Variants in DLG2 observed in about 807,000 individuals in gnomAD.
DLG2 encodes the protein disks large homolog 2.
A neutral mutation model predicts 132.5 loss-of-function variants in DLG2; 45 were observed. That is an observed-to-expected ratio of 0.34 (90% CI 0.27 to 0.44). DLG2 has a LOEUF of 0.44. Among genes scored for constraint, DLG2 ranks in the 20% least tolerant of loss-of-function variants. DLG2 has a pLI of 1.00. For missense variants in DLG2, 1,045 were observed against 1,196.9 expected (o/e 0.87, Z 1.87); for synonymous variants, 424 against 419.6 (o/e 1.01, Z -0.13).
At chr11:85,617,462 G>A (rs964269582) in intron 2 of DLG2, among the ~76,000 whole-genome samples, 6 of 152,116 alleles carry the variant, frequency 3.9e-5, no homozygotes, top group Non-Finnish European at 8.8e-5. Flanking sequence ...CATTGAAATT[G>A]CCTGTTTTTG....
intron 6 of DLG2, among the ~76,000 whole-genome samples, chr11:84,693,809 T>C (rs762981393): frequency 2.6e-5 from 4 of 151,686 alleles, no homozygotes; most frequent in Non-Finnish European, 5.9e-5. Context: ...GCTTTTAATA[T>C]ACAGTCCCTT....
chr11:84,626,279 G>C (rs1214829688), intron 6 of DLG2, among the ~76,000 whole-genome samples: 5 of 152,124 alleles, frequency 3.3e-5, no homozygotes, highest in African/African-American at 1.2e-4. Flanking sequence ...CCTTATCTCT[G>C]GTACCCCTGG....
At chr11:84,706,707 G>A (rs568895163) in intron 6 of DLG2, among the ~76,000 whole-genome samples, 113 of 141,614 alleles carry the variant, frequency 8.0e-4, no homozygotes, top group South Asian at 1.6e-3. Flanking sequence ...GAGGAAAGAA[G>A]AAAGGAAGAA....
chr11:83,573,235 G>A (rs147351221), intron 19 of DLG2, among the ~76,000 whole-genome samples: 85 of 152,186 alleles, frequency 5.6e-4, no homozygotes, highest in East Asian at 1.3e-3. Flanking sequence ...AAATGATTAC[G>A]AAAGAGCAAT....
chr11:85,174,369 C>CA (rs2079077682), intron 4 of DLG2, among the ~76,000 whole-genome samples: 1 of 152,162 alleles, frequency 6.6e-6, no homozygotes, highest in Non-Finnish European at 1.5e-5. Context: ...TCCTGAATGA[C>CA]ACTTTGGTCA....
At chr11:84,707,812 C>T (rs1382193200) in intron 6 of DLG2, among the ~76,000 whole-genome samples, 1 of 151,766 alleles carries the variant, frequency 6.6e-6, no homozygotes, top group African/African-American at 2.4e-5. Flanking sequence ...TTTGATCATA[C>T]AAATATATAA....
At chr11:84,849,174 G>A (rs951574823) in intron 6 of DLG2, among the ~76,000 whole-genome samples, 14 of 152,122 alleles carry the variant, frequency 9.2e-5, no homozygotes, top group Middle Eastern at 3.2e-3. Flanking sequence ...GTCAAACAGC[G>A]TAAGAGACTC....
intron 17 of DLG2, among the ~76,000 whole-genome samples, chr11:83,804,067 A>G (rs1336599781): frequency 1.3e-5 from 2 of 152,144 alleles, no homozygotes; most frequent in Non-Finnish European, 2.9e-5. Context: ...AAAATAAGGT[A>G]ATCATCTCAT....
intron 7 of DLG2, among the ~76,000 whole-genome samples, chr11:84,522,534 T>A (rs527502424): frequency 6.6e-6 from 1 of 152,332 alleles, no homozygotes; most frequent in South Asian, 2.1e-4. Context: ...GAACAAATCA[T>A]CTGCCTTCAG....
chr11:84,088,233 T>G (rs2097024596), intron 10 of DLG2, among the ~76,000 whole-genome samples: 1 of 152,236 alleles, frequency 6.6e-6, no homozygotes, highest in Non-Finnish European at 1.5e-5. Flanking sequence ...CTCCTACATT[T>G]TCTTCTAAGA....
chr11:85,098,348 G>A (rs563961971), intron 6 of DLG2, among the ~76,000 whole-genome samples: 13 of 152,256 alleles, frequency 8.5e-5, no homozygotes, highest in East Asian at 1.9e-4. Flanking sequence ...CAGATTCTGC[G>A]CACTGTCCAA....
At chr11:84,176,676 A>G (rs1407905811) in intron 8 of DLG2, among the ~76,000 whole-genome samples, 1 of 152,032 alleles carries the variant, frequency 6.6e-6, no homozygotes, top group African/African-American at 2.4e-5. Context: ...AGTCGGATTA[A>G]GGCGTTCTGG....
intron 6 of DLG2, among the ~76,000 whole-genome samples, chr11:84,860,030 G>T (rs1307486939): frequency 1.3e-5 from 2 of 152,104 alleles, no homozygotes; most frequent in African/African-American, 2.4e-5. Flanking sequence ...CAGGCTGGTA[G>T]CCCTTCAGCA....
intron 3 of DLG2, chr11:85,335,958 T>C (rs973331205): frequency 6.6e-6 from 1 of 152,194 alleles, no homozygotes; most frequent in Non-Finnish European, 1.5e-5. Flanking sequence ...AAAAAATTCT[T>C]GGTTGAAATA....
intron 6 of DLG2, among the ~76,000 whole-genome samples, chr11:84,905,443 T>C (rs1192020925): frequency 6.6e-6 from 1 of 152,216 alleles, no homozygotes; most frequent in East Asian, 1.9e-4. Flanking sequence ...GATATTTTAA[T>C]TTGGAATTCA....
chr11:83,513,321 G>A (rs1056441108), intron 21 of DLG2, among the ~76,000 whole-genome samples: 2 of 152,206 alleles, frequency 1.3e-5, no homozygotes. Context: ...TAGCATAAAT[G>A]TCTTCTTTTG....
At chr11:84,300,583 CTTCA>C (rs778495046) in intron 7 of DLG2, among the ~76,000 whole-genome samples, 66 of 151,966 alleles carry the variant, frequency 4.3e-4, no homozygotes, top group Non-Finnish European at 5.2e-4. Flanking sequence ...TCCTTCCTTC[CTTCA>C]TTCCTTCCTT....
intron 3 of DLG2, among the ~76,000 whole-genome samples, chr11:85,580,364 T>C (rs1332481003): frequency 6.6e-6 from 1 of 152,112 alleles, no homozygotes; most frequent in African/African-American, 2.4e-5. Context: ...AGAAGAAAGA[T>C]CCCAACTTCT....
intron 6 of DLG2, among the ~76,000 whole-genome samples, chr11:84,612,484 C>T (rs149677686): frequency 2.6e-5 from 4 of 152,066 alleles, no homozygotes; most frequent in South Asian, 2.1e-4. Flanking sequence ...TAGTAGATAA[C>T]GTTCATGATG....
Sources: gnomAD v4.1 joint callset for allele counts (sites outside exome capture counted in the v4.1 genomes callset) on GRCh38, gnomAD v4.1.1 for gene constraint, MANE v1.5 for transcripts, NCBI Gene and HGNC (gene_info 2026-07-23, HGNC 2026-07-21) for gene names.